The following GABRB2 variants were observed in gnomAD, a reference collection of about 807,000 sequenced individuals.
GABRB2 encodes the protein gamma-aminobutyric acid type A receptor subunit beta2.
In GABRB2, 16 loss-of-function variants were observed where a neutral mutation model predicts 54.7. That is an observed-to-expected ratio of 0.29 (90% confidence interval 0.20 to 0.44). GABRB2 has a LOEUF of 0.44. Among genes scored for constraint, GABRB2 ranks in the 20% least tolerant of loss-of-function variants. The probability of loss-of-function intolerance (pLI) is 1.00; values close to 1 mark genes in which losing one functional copy is unlikely to be tolerated. For missense variants in GABRB2, 355 were observed against 644.0 expected (o/e 0.55, Z 4.86); for synonymous variants, 244 against 233.8 (o/e 1.04, Z -0.40).
chr5:161,464,796 A>C (rs1334982796), intron 3 of GABRB2, among the ~76,000 whole-genome samples: 1 of 152,146 alleles, frequency 6.6e-6, no homozygotes, highest in Non-Finnish European at 1.5e-5. Context: ...GCCAGATTCA[A>C]AAGGATACAT....
chr5:161,438,395 CA>C (rs1757369994), intron 4 of GABRB2, among the ~76,000 whole-genome samples: 1 of 152,104 alleles, frequency 6.6e-6, no homozygotes, highest in African/African-American at 2.4e-5. Context: ...CAAATCATTT[CA>C]AACATCTGGA....
chr5:161,326,328 C>G (rs748476413), intron 9 of GABRB2, 40 bp downstream of exon 9: 8 of 1,605,620 alleles, frequency 5.0e-6, no homozygotes, highest in Non-Finnish European at 5.9e-6. Flanking sequence ...TTGGCCCCAA[C>G]AGAAATACAA....
At chr5:161,320,025 G>T (rs1758162102) in intron 9 of GABRB2, among the ~76,000 whole-genome samples, 1 of 150,102 alleles carries the variant, frequency 6.7e-6, no homozygotes, top group Non-Finnish European at 1.5e-5. Flanking sequence ...TACTGCTTTG[G>T]TATATTCATA....
intron 9 of GABRB2, among the ~76,000 whole-genome samples, chr5:161,321,700 T>C (rs1010695461): frequency 6.6e-6 from 1 of 152,188 alleles, no homozygotes; most frequent in Non-Finnish European, 1.5e-5. Context: ...TTCCATTGTC[T>C]AACGATATTT....
intron 8 of GABRB2, chr5:161,330,306 T>G (rs997409436): frequency 6.6e-6 from 1 of 152,212 alleles, no homozygotes; most frequent in Non-Finnish European, 1.5e-5. Context: ...AAATTATTTG[T>G]CTTTTCCCCC....
intron 3 of GABRB2, among the ~76,000 whole-genome samples, chr5:161,485,573 G>T (rs984461978): frequency 1.3e-5 from 2 of 151,868 alleles, no homozygotes; most frequent in Non-Finnish European, 2.9e-5. Context: ...TATAGTACCT[G>T]TCCAAAAGCA....
intron 4 of GABRB2, among the ~76,000 whole-genome samples, chr5:161,411,525 G>A (rs768152165): frequency 1.3e-5 from 2 of 152,024 alleles, no homozygotes; most frequent in Non-Finnish European, 2.9e-5. Context: ...ACATAGTATA[G>A]TATTTTGCAG....
intron 3 of GABRB2, among the ~76,000 whole-genome samples, chr5:161,516,729 C>T (rs1759962960): frequency 6.6e-6 from 1 of 152,136 alleles, no homozygotes; most frequent in Non-Finnish European, 1.5e-5. Context: ...ACCAAATGCT[C>T]ATACTGAGAA....
chr5:161,439,411 C>T (rs1757397212), intron 4 of GABRB2, among the ~76,000 whole-genome samples: 1 of 152,040 alleles, frequency 6.6e-6, no homozygotes, highest in Non-Finnish European at 1.5e-5. Flanking sequence ...AGGAGTACTT[C>T]CATCAGAAAA....
intron 9 of GABRB2, among the ~76,000 whole-genome samples, chr5:161,298,375 T>G (rs1757442766): frequency 6.6e-6 from 1 of 152,222 alleles, no homozygotes; most frequent in African/African-American, 2.4e-5. Flanking sequence ...TTTACTTTAT[T>G]TCTGTCTTCC....
chr5:161,434,282 T>C (rs1757251632), intron 4 of GABRB2, among the ~76,000 whole-genome samples: 1 of 152,176 alleles, frequency 6.6e-6, no homozygotes, highest in South Asian at 2.1e-4. Context: ...TGCTATTTAT[T>C]TGTAGTCAAG....
At chr5:161,319,041 T>C (rs1758128210) in intron 9 of GABRB2, among the ~76,000 whole-genome samples, 2 of 151,876 alleles carry the variant, frequency 1.3e-5, no homozygotes, top group Admixed American at 6.6e-5. Flanking sequence ...TTTGAATAAA[T>C]TGTCGTTGTT....
chr5:161,313,315 T>A (rs1234174135), intron 9 of GABRB2, among the ~76,000 whole-genome samples: 1 of 152,122 alleles, frequency 6.6e-6, no homozygotes, highest in Non-Finnish European at 1.5e-5. Context: ...TTACTGTAAT[T>A]CTATGGTAGA....
At chr5:161,390,977 G>A (rs1755804146) in intron 5 of GABRB2, among the ~76,000 whole-genome samples, 1 of 152,128 alleles carries the variant, frequency 6.6e-6, no homozygotes, top group African/African-American at 2.4e-5. Context: ...GGGACTGTCA[G>A]TGTTGTTGGA....
intron 9 of GABRB2, among the ~76,000 whole-genome samples, chr5:161,321,960 C>T (rs1046589328): frequency 6.6e-6 from 1 of 152,088 alleles, no homozygotes; most frequent in South Asian, 2.1e-4. Context: ...TTCCAGGGAA[C>T]AACCTGGCAA....
At chr5:161,420,113 A>C (rs1353929305) in intron 4 of GABRB2, among the ~76,000 whole-genome samples, 1 of 152,058 alleles carries the variant, frequency 6.6e-6, no homozygotes, top group African/African-American at 2.4e-5. Context: ...GATACTTTTT[A>C]TTGCATTCAT....
chr5:161,307,961 C>G (rs1001865131), intron 9 of GABRB2, among the ~76,000 whole-genome samples: 19 of 151,612 alleles, frequency 1.3e-4, no homozygotes, highest in Admixed American at 7.2e-4. Flanking sequence ...TGGGTTCATG[C>G]CATTCTCCTG....
At chr5:161,356,283 C>T (rs1754624381) in intron 5 of GABRB2, among the ~76,000 whole-genome samples, 1 of 152,118 alleles carries the variant, frequency 6.6e-6, no homozygotes, top group Admixed American at 6.6e-5. Flanking sequence ...TTTTAAGTAG[C>T]AACATTATCT....
At chr5:161,335,394 CT>C (rs956560657) in intron 6 of GABRB2, among the ~76,000 whole-genome samples, 6 of 152,056 alleles carry the variant, frequency 3.9e-5, no homozygotes, top group Non-Finnish European at 7.4e-5. Flanking sequence ...GTATATGCTT[CT>C]TTTTTTTAAT....
Sources: gnomAD v4.1 joint callset for allele counts (sites outside exome capture counted in the v4.1 genomes callset) on GRCh38, gnomAD v4.1.1 for gene constraint, MANE v1.5 for transcripts, NCBI Gene and HGNC (gene_info 2026-07-23, HGNC 2026-07-21) for gene names.